CNTRL: variants seen among roughly 807,000 people sequenced by gnomAD.
The protein encoded by CNTRL is 110 kDa centrosomal protein.
In CNTRL, 233 loss-of-function variants were observed where a neutral mutation model predicts 303.7. That is an observed-to-expected ratio of 0.77 (90% CI 0.69 to 0.86). The LOEUF is 0.86. CNTRL is among the 40% of genes least tolerant of loss of function. The pLI is 0.00. For synonymous variants in CNTRL, 900 were observed against 922.2 expected (o/e 0.98, Z 0.44); for missense variants, 2,524 against 2,650.6 (o/e 0.95, Z 1.05).
rs964921650 is a variant in CNTRL, at chr9:121,152,889, A to G, written c.4172+196A>G. On this transcript the variant is annotated intron_variant, in intron 26 of 43. Transcript: ENST00000373855. ...AGAATTTAATTTCAATTAATTTAAT[A>G]GCCACATATTGAGTACCATATTGAG... Among the ~76,000 whole-genome samples the G allele has an allele frequency of 2.0e-5, 3 of 152,204 alleles. No homozygotes were observed. The East Asian group carries it at 5.8e-4, about 29-fold the overall frequency.
At chr9:121,127,323 G>A (rs1190957497) in intron 14 of CNTRL, among the ~76,000 whole-genome samples, 1 of 151,984 alleles carries the variant, frequency 6.6e-6, no homozygotes, top group Non-Finnish European at 1.5e-5. Flanking sequence ...TTGAACACAT[G>A]GGGACTATGC....
At chr9:121,077,107 T>C (rs149229758) in intron 1 of CNTRL, among the ~76,000 whole-genome samples, 7 of 152,270 alleles carry the variant, frequency 4.6e-5, no homozygotes, top group Non-Finnish European at 1.0e-4. Context: ...TCTGGGTTTA[T>C]AGGTGGCAGG....
At chr9:121,128,127 T>C (rs536667980) in intron 14 of CNTRL, among the ~76,000 whole-genome samples, 3 of 152,284 alleles carry the variant, frequency 2.0e-5, no homozygotes, top group East Asian at 1.9e-4. Context: ...GTCTTTATAG[T>C]AGCATGATTT....
At chr9:121,142,583 A>G (rs772113454) in intron 19 of CNTRL, among the ~76,000 whole-genome samples, 6 of 152,230 alleles carry the variant, frequency 3.9e-5, no homozygotes, top group Non-Finnish European at 8.8e-5. Flanking sequence ...GGATACATCC[A>G]TGGGAAATTA....
At chr9:121,159,728 GGAA>G (rs2052760584) in intron 31 of CNTRL, among the ~76,000 whole-genome samples, 1 of 150,542 alleles carries the variant, frequency 6.6e-6, no homozygotes, top group Non-Finnish European at 1.5e-5. Context: ...TCTTTCTTCT[GGAA>G]GAAGGAGTTT....
At chr9:121,117,344 TTTATC>T in intron 11 of CNTRL, among the ~76,000 whole-genome samples, 1 of 152,266 alleles carries the variant, frequency 6.6e-6, no homozygotes, top group East Asian at 1.9e-4. Flanking sequence ...TTTTCAGTCT[TTTATC>T]TTCATCTTTT....
At chr9:121,147,456 T>TA (rs1490149192) in intron 23 of CNTRL, among the ~76,000 whole-genome samples, 1 of 152,140 alleles carries the variant, frequency 6.6e-6, no homozygotes, top group African/African-American at 2.4e-5. Context: ...AGTCTATACT[T>TA]ATGGTAGGGT....
chr9:121,162,299 G>C, intron 34 of CNTRL, 28 bp downstream of exon 34: 2 of 1,580,054 alleles, frequency 1.3e-6, no homozygotes, highest in Non-Finnish European at 1.7e-6. Flanking sequence ...TAAGCTTGCA[G>C]GATCACTTCT....
At chr9:121,159,599 C>T (rs1371331376) in intron 31 of CNTRL, among the ~76,000 whole-genome samples, 2 of 151,696 alleles carry the variant, frequency 1.3e-5, no homozygotes, top group African/African-American at 4.8e-5. Flanking sequence ...CACCACGGCA[C>T]TCTTGAACCC....
Position 121,164,972 on chromosome 9 carries a change from A to G in CNTRL, c.5453A>G (p.Lys1818Arg), listed in dbSNP as rs1436694382. The G allele has an allele frequency of 6.2e-7, 1 of 1,612,992 alleles. No individual in the cohort carries two copies. Among genetic ancestry groups the G allele is most frequent in the Non-Finnish European group, 8.5e-7 (1 of 1,179,706 alleles). Residue 1818 changes from lysine to arginine, a missense_variant, in exon 35 of 44, where the codon AAA becomes AGA. Physicochemically the swap from Lys to Arg is conservative, Grantham distance 26 (BLOSUM62 2). Transcript: ENST00000373855. ...TTAGCAGCAGCAGAAGAAAATAGCA[A>G]AATGGAGCAATCAAACTTAGAAAAG... ...RVLAAAEENS[K>R]MEQSNLEKLE...
intron 6 of CNTRL, 120 bp from the exon 7 acceptor site, chr9:121,098,266 G>C: frequency 1.4e-6 from 1 of 708,892 alleles, no homozygotes; most frequent in Middle Eastern, 3.5e-4. Context: ...ACTACTTTTG[G>C]GTAATTGGCT....
chr9:121,133,549 T>C (rs2050998834), intron 14 of CNTRL, among the ~76,000 whole-genome samples: 1 of 152,212 alleles, frequency 6.6e-6, no homozygotes, highest in East Asian at 1.9e-4. Flanking sequence ...TACTGTCTTC[T>C]GTGAATGTAC....
chr9:121,165,597 A>G (rs534810735), intron 35 of CNTRL, among the ~76,000 whole-genome samples: 1 of 152,304 alleles, frequency 6.6e-6, no homozygotes, highest in South Asian at 2.1e-4. Context: ...CATTTTTTAT[A>G]TCCTTGGTAT....
In CNTRL at chr9:121,169,810, C is replaced by T. The variant is rs1564304267; in HGVS notation, c.6270C>T (p.Asn2090=). Residue 2090 remains asparagine (N), a synonymous_variant, in exon 39 of 44, where the codon AAC becomes AAT. Transcript: ENST00000373855. ...LKIQRSQLEK[N]LLEQKQENSC... is the part of the protein sequence containing the mutation. ...TCCAGCGGAGCCAGCTGGAGAAAAA[C>T]CTTCTTGTGAGTACCTGCTGCCGTG... The T allele has an allele frequency of 6.2e-7, 1 of 1,613,824 alleles. No homozygotes were observed. Among genetic ancestry groups the T allele is most frequent in the South Asian group, 1.1e-5 (1 of 91,050 alleles).
chr9:121,173,741 G>A lies in CNTRL; in HGVS notation c.6747+4G>A, dbSNP rs778859502. On this transcript the variant is annotated splice_donor_region_variant and intron_variant, in intron 42 of 43. Transcript: ENST00000373855. ...TCACCGGGAAGACCGACTCAAGGTT[G>A]CCCTTTAAAACAAACAAAAAATCAG... 5.6e-6 allele frequency: 9 copies of A among 1,614,042 alleles called. No individual in the cohort carries two copies. The highest frequency in any genetic ancestry group is 7.6e-6 in the Non-Finnish European group (9 of 1,179,930).
intron 17 of CNTRL, 33 bp from the exon 18 acceptor site, chr9:121,141,348 C>T (rs1416643158): frequency 1.3e-6 from 2 of 1,517,328 alleles, no homozygotes; most frequent in Non-Finnish European, 1.8e-6. Flanking sequence ...AATTAAATGT[C>T]ACATTTATAC....
intron 9 of CNTRL, among the ~76,000 whole-genome samples, chr9:121,112,905 T>C (rs2049811063): frequency 6.6e-6 from 1 of 152,148 alleles, no homozygotes; most frequent in African/African-American, 2.4e-5. Context: ...GAAAAGTGCT[T>C]CAGTACCATG....
intron 7 of CNTRL, among the ~76,000 whole-genome samples, chr9:121,105,084 T>C (rs935788337): frequency 5.3e-5 from 8 of 151,932 alleles, no homozygotes; most frequent in African/African-American, 1.9e-4. Flanking sequence ...GCAGGGAAAA[T>C]GGAGATGAAG....
At chr9:121,147,584 C>A (rs1564273542) in intron 23 of CNTRL, among the ~76,000 whole-genome samples, 1 of 151,894 alleles carries the variant, frequency 6.6e-6, no homozygotes, top group Non-Finnish European at 1.5e-5. Context: ...ATGGTTAGGG[C>A]CTGGGGCCTG....
Sources: allele counts gnomAD v4.1 joint callset (sites outside exome capture counted in the v4.1 genomes callset), GRCh38; gene constraint gnomAD v4.1.1; transcripts MANE v1.5; gene names NCBI Gene and HGNC (gene_info 2026-07-23, HGNC 2026-07-21).